The following GRM8 variants were observed in gnomAD, a reference collection of about 807,000 sequenced individuals.
GRM8 encodes glutamate metabotropic receptor 8.
A neutral mutation model predicts 87.2 loss-of-function variants in GRM8; 47 were observed. That is an observed-to-expected ratio of 0.54 (90% confidence interval 0.43 to 0.69). GRM8 has a LOEUF of 0.69. Among genes scored for constraint, GRM8 ranks in the 30% least tolerant of loss-of-function variants. The pLI, the probability that GRM8 is intolerant of heterozygous loss-of-function variation, is 0.00. For synonymous variants in GRM8, 396 were observed against 404.5 expected (o/e 0.98, Z 0.25); for missense variants, 1,019 against 1,139.2 (o/e 0.89, Z 1.52).
At chr7:126,661,406 T>C (rs975712312) in intron 7 of GRM8, among the ~76,000 whole-genome samples, 3 of 152,216 alleles carry the variant, frequency 2.0e-5, no homozygotes, top group East Asian at 3.8e-4. Flanking sequence ...ACATATGTTT[T>C]AAAAAACTCA....
chr7:126,672,030 A>G (rs1314779689), intron 7 of GRM8, among the ~76,000 whole-genome samples: 1 of 152,238 alleles, frequency 6.6e-6, no homozygotes, highest in African/African-American at 2.4e-5. Context: ...AGACAATAAC[A>G]GAAGTTAAAA....
chr7:127,088,220 G>A (rs954507835), intron 3 of GRM8, among the ~76,000 whole-genome samples: 2 of 152,150 alleles, frequency 1.3e-5, no homozygotes, highest in Non-Finnish European at 2.9e-5. Flanking sequence ...TATTTTCACT[G>A]ACTGGACTCA....
rs573012660 is a variant in GRM8, at chr7:126,991,967, T to C, written c.728-87284A>G. On this transcript the variant is annotated intron_variant, in intron 3 of 10. Transcript: ENST00000339582. The stretch of plus-strand genomic sequence containing the variant: ...CATTATACCAGTAATTTTAAAATGA[T>C]TTTAAGCTATGGAATCTGAAAAAAA... Among the ~76,000 whole-genome samples the C allele has an allele frequency of 7.2e-5, 11 of 152,310 alleles. No individual in the cohort carries two copies. In the South Asian group the frequency reaches 2.1e-3, roughly 29 times the overall value.
At chr7:127,238,910 G>A (rs533730823) in intron 2 of GRM8, among the ~76,000 whole-genome samples, 1 of 152,290 alleles carries the variant, frequency 6.6e-6, no homozygotes, top group Admixed American at 6.5e-5. Flanking sequence ...CCTTTGCAAA[G>A]ACAAATCCCA....
chr7:126,932,489 G>T (rs1805863676), intron 3 of GRM8, among the ~76,000 whole-genome samples: 1 of 152,112 alleles, frequency 6.6e-6, no homozygotes, highest in Non-Finnish European at 1.5e-5. Flanking sequence ...TGTATCCATG[G>T]TTGATCAACA....
intron 9 of GRM8, among the ~76,000 whole-genome samples, chr7:126,510,945 T>G (rs1811277674): frequency 6.6e-6 from 1 of 152,144 alleles, no homozygotes; most frequent in East Asian, 1.9e-4. Flanking sequence ...TCAGTGGCCT[T>G]GGACTCATTA....
chr7:126,493,294 C>T (rs1484912735), intron 9 of GRM8, among the ~76,000 whole-genome samples: 1 of 151,970 alleles, frequency 6.6e-6, no homozygotes, highest in Non-Finnish European at 1.5e-5. Flanking sequence ...GGGTCACTGT[C>T]CAGATACAGA....
At chr7:127,156,575 T>C (rs1053763499) in intron 2 of GRM8, among the ~76,000 whole-genome samples, 1 of 152,132 alleles carries the variant, frequency 6.6e-6, no homozygotes, top group African/African-American at 2.4e-5. Context: ...CACCCTCCTC[T>C]TCTTAAACTC....
intron 7 of GRM8, among the ~76,000 whole-genome samples, chr7:126,687,162 A>G (rs1183168067): frequency 6.6e-6 from 1 of 152,220 alleles, no homozygotes; most frequent in Non-Finnish European, 1.5e-5. Context: ...CCCACCACAC[A>G]TGTATGTGCC....
chr7:126,927,067 T>C (rs1563323829), intron 3 of GRM8, among the ~76,000 whole-genome samples: 1 of 152,236 alleles, frequency 6.6e-6, no homozygotes, highest in Admixed American at 6.5e-5. Context: ...TGCTCCAGTC[T>C]CTGTTCAACG....
chr7:127,031,313 T>A (rs1817342097), intron 3 of GRM8, among the ~76,000 whole-genome samples: 1 of 152,162 alleles, frequency 6.6e-6, no homozygotes, highest in Admixed American at 6.6e-5. Flanking sequence ...ATCATATTAT[T>A]TGTCATTATC....
intron 3 of GRM8, among the ~76,000 whole-genome samples, chr7:127,105,061 A>G (rs530785623): frequency 1.3e-5 from 2 of 152,326 alleles, no homozygotes; most frequent in African/African-American, 2.4e-5. Context: ...TTGCTAAATT[A>G]TCACTCTGGT....
At chr7:126,950,377 T>C (rs562364811) in intron 3 of GRM8, among the ~76,000 whole-genome samples, 1 of 152,208 alleles carries the variant, frequency 6.6e-6, no homozygotes, top group Non-Finnish European at 1.5e-5. Flanking sequence ...TGTCAAAAGA[T>C]ACATACTTTG....
intron 3 of GRM8, chr7:127,080,662 G>A (rs1822761329): frequency 6.6e-6 from 1 of 151,934 alleles, no homozygotes; most frequent in South Asian, 2.1e-4. Flanking sequence ...AAAAAAAATG[G>A]AGAGATTCAT....
chr7:126,819,275 T>TAC (rs3038867), intron 6 of GRM8, among the ~76,000 whole-genome samples: 4,703 of 148,308 alleles, frequency 0.032, 231 homozygotes, highest in African/African-American at 0.11. Context: ...CAGACACACA[T>TAC]ACACACACAC....
intron 6 of GRM8, among the ~76,000 whole-genome samples, chr7:126,834,662 C>A (rs1002341458): frequency 2.6e-5 from 4 of 152,132 alleles, no homozygotes; most frequent in African/African-American, 9.7e-5. Flanking sequence ...ATTGACAAGG[C>A]TTTAATAGAT....
chr7:126,516,093 CA>C (rs1319926173), intron 9 of GRM8, among the ~76,000 whole-genome samples: 5 of 151,964 alleles, frequency 3.3e-5, no homozygotes, highest in Non-Finnish European at 5.9e-5. Context: ...GCAAGTATTT[CA>C]GTATTCCAAC....
chr7:126,956,539 G>A (rs1259029981), intron 3 of GRM8, among the ~76,000 whole-genome samples: 2 of 152,050 alleles, frequency 1.3e-5, no homozygotes, highest in Non-Finnish European at 2.9e-5. Context: ...CAACGTGCAG[G>A]TTTGTTACAT....
rs1222271270 is a variant in GRM8 at position 126,562,227 on chromosome 7, C to T, written c.1495-28340G>A. On this transcript the variant is annotated intron_variant, in intron 8 of 10. Coordinates refer to ENST00000339582, the MANE Select transcript of GRM8 (RefSeq NM_000845.3). ...AGATAAAGTGTCTTGCTGTCCAAAG[C>T]TTTATGTAGGAGTATTTGGGGAAAA... Among the ~76,000 whole-genome samples the T allele has an allele frequency of 2.0e-5, 3 of 152,104 alleles. No homozygotes were observed. The East Asian group carries it at 5.8e-4, about 30-fold the overall frequency.
Sources: allele counts gnomAD v4.1 joint callset (sites outside exome capture counted in the v4.1 genomes callset), GRCh38; gene constraint gnomAD v4.1.1; transcripts MANE v1.5; gene names NCBI Gene and HGNC (gene_info 2026-07-23, HGNC 2026-07-21).